Variants in SYTL5 observed in about 807,000 individuals in gnomAD.
SYTL5 encodes the protein synaptotagmin like 5.
In SYTL5, 34 loss-of-function variants were observed where a neutral mutation model predicts 55.9. The observed-to-expected ratio is 0.61, with a 90% CI of 0.46 to 0.81. The LOEUF (loss-of-function observed/expected upper bound fraction) is 0.81. SYTL5 is among the 30% of genes least tolerant of loss of function. The pLI, the probability that SYTL5 is intolerant of heterozygous loss-of-function variation, is 0.00. For missense variants in SYTL5, 637 were observed against 546.7 expected, an observed-to-expected ratio of 1.17 and a Z score of -1.65; for synonymous variants, 221 against 188.7, an observed-to-expected ratio of 1.17 and a Z score of -1.40.
At chrX:38,022,063 T>C (rs1934571529) in intron 1 of SYTL5, among the ~76,000 whole-genome samples, 1 of 112,681 alleles carries the variant, frequency 8.9e-6, no homozygotes, top group Non-Finnish European at 1.9e-5. Context: ...ATGAAATACA[T>C]AAACATTCAA....
chrX:37,935,194 G>A, the SYTL5 span, among the ~76,000 whole-genome samples: 50 of 112,084 alleles, frequency 4.5e-4, no homozygotes, highest in African/African-American at 1.6e-3. Flanking sequence ...TGATATATTT[G>A]AAGTGCTAAA....
At chrX:37,988,706 A>G in the SYTL5 span, among the ~76,000 whole-genome samples, 1 of 112,379 alleles carries the variant, frequency 8.9e-6, no homozygotes, top group Non-Finnish European at 1.9e-5. Flanking sequence ...TCATAAACAA[A>G]CTATTGATAG....
intron 10 of SYTL5, among the ~76,000 whole-genome samples, chrX:38,105,287 C>T (rs1419427359): frequency 8.9e-6 from 1 of 112,824 alleles, no homozygotes; most frequent in Non-Finnish European, 1.9e-5. Context: ...TATTTTGCCA[C>T]GGTTGAGGAC....
chrX:38,031,794 A>G (rs1934960143), intron 1 of SYTL5, among the ~76,000 whole-genome samples: 1 of 112,057 alleles, frequency 8.9e-6, no homozygotes, highest in African/African-American at 3.2e-5. Context: ...CTTTCTGAAA[A>G]GCCCTGTTTA....
At position 38,102,345 on chromosome X, in the gene SYTL5, T is replaced by A; in HGVS notation, c.1066T>A (p.Ser356Thr). The A allele has an allele frequency of 8.4e-7, 1 of 1,192,457 alleles. No homozygotes were observed. The highest frequency in any genetic ancestry group is 1.1e-6 in the Non-Finnish European group (1 of 880,504). The change falls in exon 10 of 17, where the codon TCC becomes ACC. Residue 356 changes from serine (S) to threonine (T), a missense_variant. Ser to Thr is a moderately conservative substitution (Grantham distance 58). Transcript: ENST00000297875. The stretch of plus-strand genomic sequence containing the variant: ...GATTTTTCCCTTTCTTTTTTAGGAC[T>A]CCTTGGAAGAGACTGAAGAAAGCAT... Reference protein sequence around the residue: ...KSVPGALDKDSLEETEESIDA... With the variant: ...KSVPGALDKDTLEETEESIDA...
chrX:38,109,822 C>T (rs5917536), intron 12 of SYTL5, among the ~76,000 whole-genome samples: 14,459 of 110,495 alleles, frequency 0.13, 796 homozygotes, highest in Middle Eastern at 0.16. Flanking sequence ...GTTTAATATA[C>T]ATGTACACCT....
the SYTL5 span, among the ~76,000 whole-genome samples, chrX:37,991,508 G>A: frequency 4.5e-5 from 5 of 111,014 alleles, no homozygotes; most frequent in Non-Finnish European, 9.4e-5. Context: ...AACTGGCTGG[G>A]ATAAAGACAC....
At chrX:38,071,048 G>T (rs1216507796) in intron 3 of SYTL5, among the ~76,000 whole-genome samples, 1 of 94,555 alleles carries the variant, frequency 1.1e-5, no homozygotes, top group Non-Finnish European at 2.1e-5. Context: ...TTAAAATTAT[G>T]AGAGAGTAGT....
the SYTL5 span, among the ~76,000 whole-genome samples, chrX:37,986,322 A>T: frequency 9.1e-6 from 1 of 110,134 alleles, no homozygotes; most frequent in African/African-American, 3.3e-5. Context: ...AGGGCTCATG[A>T]CTCTAAGGGG....
chrX:37,971,506 C>T, the SYTL5 span, among the ~76,000 whole-genome samples: 1 of 110,453 alleles, frequency 9.1e-6, no homozygotes, highest in African/African-American at 3.3e-5. Flanking sequence ...TACAACTTTG[C>T]CAGTTTGCAA....
chrX:37,935,200 C>T, the SYTL5 span, among the ~76,000 whole-genome samples: 8 of 111,830 alleles, frequency 7.2e-5, no homozygotes, highest in African/African-American at 2.6e-4. Flanking sequence ...ATTTGAAGTG[C>T]TAAAAGAAAG....
At chrX:37,890,197 C>G in the SYTL5 span, among the ~76,000 whole-genome samples, 1 of 110,643 alleles carries the variant, frequency 9.0e-6, no homozygotes, top group South Asian at 3.9e-4. Context: ...CACAAGCAAG[C>G]TTTATTGGGG....
chrX:37,907,851 A>G, the SYTL5 span, among the ~76,000 whole-genome samples: 1 of 112,289 alleles, frequency 8.9e-6, no homozygotes, highest in East Asian at 2.7e-4. Context: ...TCTATATTTG[A>G]AAAAATCTAT....
intron 1 of SYTL5, among the ~76,000 whole-genome samples, chrX:38,011,790 C>G (rs1934200141): frequency 9.0e-6 from 1 of 111,563 alleles, no homozygotes; most frequent in African/African-American, 3.3e-5. Context: ...AAAGTTCAGG[C>G]TCAATTTTTG....
chrX:37,983,880 C>T, the SYTL5 span, among the ~76,000 whole-genome samples: 1 of 111,476 alleles, frequency 9.0e-6, no homozygotes, highest in African/African-American at 3.2e-5. Context: ...CGACACACTC[C>T]TAAAAAACAA....
At chrX:37,945,686 A>G in the SYTL5 span, among the ~76,000 whole-genome samples, 1 of 111,962 alleles carries the variant, frequency 8.9e-6, no homozygotes, top group African/African-American at 3.2e-5. Context: ...ACAAATTTGT[A>G]CTTCCTGAGT....
the SYTL5 span, among the ~76,000 whole-genome samples, chrX:37,957,811 T>C: frequency 8.9e-6 from 1 of 112,625 alleles, no homozygotes; most frequent in Non-Finnish European, 1.9e-5. Flanking sequence ...ATAATGCCAT[T>C]TGAATTTTGA....
the SYTL5 span, among the ~76,000 whole-genome samples, chrX:37,901,119 C>A: frequency 9.0e-6 from 1 of 111,317 alleles, no homozygotes; most frequent in Admixed American, 9.6e-5. Flanking sequence ...AGGACTATCA[C>A]AAACCACATG....
intron 1 of SYTL5, among the ~76,000 whole-genome samples, chrX:38,023,492 C>T (rs1487468400): frequency 8.9e-6 from 1 of 111,937 alleles, no homozygotes; most frequent in Non-Finnish European, 1.9e-5. Context: ...TATGTATTAT[C>T]CTGTGCCTTT....
Sources: gnomAD v4.1 joint callset for allele counts (sites outside exome capture counted in the v4.1 genomes callset) on GRCh38, gnomAD v4.1.1 for gene constraint, MANE v1.5 for transcripts, NCBI Gene and HGNC (gene_info 2026-07-23, HGNC 2026-07-21) for gene names.